Variants in NKAIN2 observed in about 807,000 individuals in gnomAD.
NKAIN2 encodes sodium/potassium-transporting ATPase subunit beta-1-interacting protein 2.
NKAIN2 carries 14 observed loss-of-function variants against 32.6 expected under a neutral mutation model. The ratio of observed to expected loss-of-function variants is 0.43; its 90% CI spans 0.28 to 0.67. The LOEUF (loss-of-function observed/expected upper bound fraction) is 0.67, where lower values mean the gene tolerates loss of function less well. Ranked by LOEUF, NKAIN2 falls within the 30% of genes least tolerant of loss-of-function variation. The pLI is 0.17. For synonymous variants in NKAIN2, 80 were observed against 87.2 expected, an observed-to-expected ratio of 0.92 and a Z score of 0.46; for missense variants, 198 against 258.3, an observed-to-expected ratio of 0.77 and a Z score of 1.60.
At chr6:124,149,921 C>T (rs1459413009) in intron 1 of NKAIN2, among the ~76,000 whole-genome samples, 1 of 152,012 alleles carries the variant, frequency 6.6e-6, no homozygotes, top group Non-Finnish European at 1.5e-5. Context: ...AAACCTGGAG[C>T]CAACACAACC....
At chr6:123,846,923 A>G (rs1775119083) in intron 1 of NKAIN2, among the ~76,000 whole-genome samples, 1 of 152,120 alleles carries the variant, frequency 6.6e-6, no homozygotes, top group South Asian at 2.1e-4. Context: ...CAGGCACTGT[A>G]CTGGAGATGG....
intron 3 of NKAIN2, among the ~76,000 whole-genome samples, chr6:124,378,436 G>T (rs1188604090): frequency 2.0e-5 from 3 of 152,084 alleles, no homozygotes; most frequent in African/African-American, 4.8e-5. Flanking sequence ...GATACACTGG[G>T]GTAAAGCACT....
rs748479686 is a variant in NKAIN2, at chr6:123,819,166, T to C, written c.54+14912T>C. 5.9e-5 allele frequency among the ~76,000 whole-genome samples: 9 copies of C among 152,160 alleles called. 1 individual carries two copies. The East Asian group carries it at 9.6e-4, about 16-fold the overall frequency. ...ATTGTTCTTCTGGATGTGGTAGGTT[T>C]TCAACAGGTCTCGTTAATAGATAAT... is the stretch of plus-strand genomic sequence containing the variant. On this transcript the variant is annotated intron_variant, in intron 1 of 6. Transcript: ENST00000368417.
chr6:124,394,880 G>A (rs554782852), intron 3 of NKAIN2, among the ~76,000 whole-genome samples: 6 of 152,188 alleles, frequency 3.9e-5, no homozygotes, highest in African/African-American at 1.4e-4. Flanking sequence ...AACATATAAA[G>A]TTAACCATCA....
intron 2 of NKAIN2, among the ~76,000 whole-genome samples, chr6:124,353,398 T>A (rs1798820463): frequency 6.6e-6 from 1 of 151,954 alleles, no homozygotes; most frequent in South Asian, 2.1e-4. Context: ...ATTAACCTTT[T>A]AAAAAAAATG....
intron 2 of NKAIN2, among the ~76,000 whole-genome samples, chr6:124,328,654 C>A (rs1257688136): frequency 2.0e-5 from 3 of 152,196 alleles, no homozygotes; most frequent in Non-Finnish European, 4.4e-5. Flanking sequence ...ATAGGGCTCT[C>A]TAAAGCCATG....
intron 1 of NKAIN2, among the ~76,000 whole-genome samples, chr6:123,815,874 T>C (rs931365482): frequency 6.6e-6 from 1 of 151,262 alleles, no homozygotes; most frequent in Non-Finnish European, 1.5e-5. Context: ...AGGAGTAGAG[T>C]TGGGGAATAG....
At chr6:124,697,322 A>T (rs1774544283) in intron 4 of NKAIN2, among the ~76,000 whole-genome samples, 1 of 152,190 alleles carries the variant, frequency 6.6e-6, no homozygotes, top group Non-Finnish European at 1.5e-5. Context: ...AAACACAATT[A>T]AATTAATTAG....
At chr6:124,103,659 C>G (rs900786890) in intron 1 of NKAIN2, among the ~76,000 whole-genome samples, 1 of 152,220 alleles carries the variant, frequency 6.6e-6, no homozygotes, top group East Asian at 1.9e-4. Flanking sequence ...ACTTTTTAAG[C>G]AAGCATTCAC....
intron 1 of NKAIN2, among the ~76,000 whole-genome samples, chr6:124,248,114 C>G (rs1397702750): frequency 6.6e-6 from 1 of 152,042 alleles, no homozygotes; most frequent in Admixed American, 6.6e-5. Flanking sequence ...CTCCAGAATA[C>G]ATTTTAGTTC....
chr6:124,246,141 T>TGCA (rs916204485), intron 1 of NKAIN2, among the ~76,000 whole-genome samples: 1 of 152,088 alleles, frequency 6.6e-6, no homozygotes, highest in African/African-American at 2.4e-5. Flanking sequence ...CTGTTATTAT[T>TGCA]GCAGCTAAGG....
chr6:124,810,076 G>A (rs906446440), intron 5 of NKAIN2, among the ~76,000 whole-genome samples: 6 of 152,048 alleles, frequency 3.9e-5, no homozygotes, highest in Admixed American at 6.6e-5. Context: ...TCAGTGTGGC[G>A]ATTCCTCAGG....
At chr6:123,913,191 A>G (rs1775309899) in intron 1 of NKAIN2, among the ~76,000 whole-genome samples, 1 of 152,232 alleles carries the variant, frequency 6.6e-6, no homozygotes, top group Non-Finnish European at 1.5e-5. Context: ...ATTTCCTAAC[A>G]TGCCAAGAGT....
chr6:123,915,335 T>C (rs1457147837), intron 1 of NKAIN2, among the ~76,000 whole-genome samples: 6 of 152,186 alleles, frequency 3.9e-5, no homozygotes, highest in African/African-American at 9.7e-5. Flanking sequence ...CACCATTTCT[T>C]GATTGCCATC....
intron 3 of NKAIN2, among the ~76,000 whole-genome samples, chr6:124,533,395 C>T (rs1209197255): frequency 7.5e-6 from 1 of 133,324 alleles, no homozygotes; most frequent in African/African-American, 2.8e-5. Flanking sequence ...TGGCGTGAAC[C>T]CGGGAGGTGG....
intron 1 of NKAIN2, among the ~76,000 whole-genome samples, chr6:124,244,506 CA>C (rs2114787013): frequency 6.6e-6 from 1 of 151,968 alleles, no homozygotes; most frequent in South Asian, 2.1e-4. Flanking sequence ...GCTTGTCAAA[CA>C]GCTTAAGTCA....
chr6:124,000,607 A>G (rs570567944), intron 1 of NKAIN2, among the ~76,000 whole-genome samples: 42 of 152,106 alleles, frequency 2.8e-4, no homozygotes, highest in African/African-American at 9.9e-4. Flanking sequence ...TTTTTTCCCT[A>G]TACGTCTAGA....
chr6:123,813,701 A>G (rs1192085212), intron 1 of NKAIN2, among the ~76,000 whole-genome samples: 1 of 151,958 alleles, frequency 6.6e-6, no homozygotes, highest in Non-Finnish European at 1.5e-5. Flanking sequence ...AGTCTCAGCT[A>G]CTCTGGAGGC....
At chr6:124,264,271 C>T (rs77752892) in intron 1 of NKAIN2, among the ~76,000 whole-genome samples, 3,956 of 152,164 alleles carry the variant, frequency 0.026, 161 homozygotes, top group African/African-American at 0.084. Flanking sequence ...GCTTCTAGTA[C>T]GCAGATGCCT....
Sources: allele counts gnomAD v4.1 joint callset (sites outside exome capture counted in the v4.1 genomes callset), GRCh38; gene constraint gnomAD v4.1.1; transcripts MANE v1.5; gene names NCBI Gene and HGNC (gene_info 2026-07-23, HGNC 2026-07-21).